The following CTNNA3 variants were observed in gnomAD, a reference collection of about 807,000 sequenced individuals.
CTNNA3 encodes the protein catenin alpha-3.
In CTNNA3, 76 loss-of-function variants were observed where a neutral mutation model predicts 95.7. The ratio of observed to expected loss-of-function variants is 0.79; its 90% CI spans 0.66 to 0.96. CTNNA3 has a LOEUF of 0.96. Among genes scored for constraint, CTNNA3 ranks in the 40% least tolerant of loss-of-function variants. The probability of loss-of-function intolerance (pLI) is 0.00; values close to 1 mark genes in which losing one functional copy is unlikely to be tolerated. For missense variants in CTNNA3, 1,191 were observed against 1,089.8 expected (o/e 1.09, Z -1.31); for synonymous variants, 431 against 374.4 (o/e 1.15, Z -1.74).
chr10:66,069,867 T>A (rs999871875), intron 14 of CTNNA3, among the ~76,000 whole-genome samples: 3 of 152,130 alleles, frequency 2.0e-5, no homozygotes, highest in African/African-American at 7.2e-5. Context: ...GGTGGATGTA[T>A]AACATAATTT....
chr10:66,457,959 C>T (rs1385243956), intron 11 of CTNNA3, among the ~76,000 whole-genome samples: 1 of 152,132 alleles, frequency 6.6e-6, no homozygotes, highest in Non-Finnish European at 1.5e-5. Flanking sequence ...AGGGGGTAGG[C>T]TCTTCAAAGC....
intron 7 of CTNNA3, among the ~76,000 whole-genome samples, chr10:66,972,910 C>T (rs960306574): frequency 6.6e-6 from 1 of 151,448 alleles, no homozygotes; most frequent in South Asian, 2.1e-4. Context: ...TGGGGTTTCA[C>T]CATGTTGACA....
chr10:67,151,158 A>C (rs777017496), intron 7 of CTNNA3, among the ~76,000 whole-genome samples: 2 of 152,188 alleles, frequency 1.3e-5, no homozygotes, highest in Non-Finnish European at 2.9e-5. Flanking sequence ...TTTTTCTTAT[A>C]AGGTGAGAAG....
intron 13 of CTNNA3, among the ~76,000 whole-genome samples, chr10:66,240,806 A>C (rs2090072032): frequency 6.6e-6 from 1 of 152,088 alleles, no homozygotes; most frequent in African/African-American, 2.4e-5. Flanking sequence ...GATGTAAACA[A>C]AGAACAGTGG....
At chr10:66,291,738 G>A (rs1170902043) in intron 12 of CTNNA3, among the ~76,000 whole-genome samples, 1 of 151,328 alleles carries the variant, frequency 6.6e-6, no homozygotes. Flanking sequence ...ATATATATGT[G>A]TATTTATATA....
intron 9 of CTNNA3, among the ~76,000 whole-genome samples, chr10:66,711,177 A>G (rs1213818962): frequency 1.3e-5 from 2 of 151,684 alleles, no homozygotes; most frequent in Non-Finnish European, 2.9e-5. Flanking sequence ...TGTATTCTGC[A>G]ATAGTCAAGC....
At chr10:66,506,264 C>T (rs1402958450) in intron 11 of CTNNA3, among the ~76,000 whole-genome samples, 5 of 152,140 alleles carry the variant, frequency 3.3e-5, no homozygotes, top group South Asian at 2.1e-4. Context: ...CCAGTTTCAA[C>T]GTAATATTTG....
intron 6 of CTNNA3, among the ~76,000 whole-genome samples, chr10:67,204,801 A>G (rs1863817829): frequency 6.6e-6 from 1 of 151,582 alleles, no homozygotes; most frequent in Non-Finnish European, 1.5e-5. Context: ...AATCTCCTTG[A>G]AAATTCAGAG....
At chr10:66,102,715 G>C (rs1359698104) in intron 14 of CTNNA3, among the ~76,000 whole-genome samples, 3 of 151,976 alleles carry the variant, frequency 2.0e-5, no homozygotes, top group African/African-American at 7.3e-5. Flanking sequence ...TGGTGGTGGT[G>C]GTGGGGTGTG....
intron 7 of CTNNA3, among the ~76,000 whole-genome samples, chr10:66,976,745 C>T (rs1329413390): frequency 6.6e-6 from 1 of 152,132 alleles, no homozygotes; most frequent in Non-Finnish European, 1.5e-5. Flanking sequence ...GCTGTTTTCT[C>T]ATTATTCATT....
At chr10:66,169,812 T>C (rs999813143) in intron 13 of CTNNA3, among the ~76,000 whole-genome samples, 17 of 152,210 alleles carry the variant, frequency 1.1e-4, no homozygotes, top group Non-Finnish European at 1.8e-4. Context: ...TGGCCATTTG[T>C]ATATCTTCTT....
chr10:66,663,653 T>G (rs1016865144), intron 9 of CTNNA3, among the ~76,000 whole-genome samples: 2 of 152,126 alleles, frequency 1.3e-5, no homozygotes, highest in Admixed American at 6.5e-5. Context: ...ACTGAGATTT[T>G]TATCTCTTGT....
intron 7 of CTNNA3, among the ~76,000 whole-genome samples, chr10:66,903,173 T>A (rs899922142): frequency 1.3e-5 from 2 of 152,178 alleles, no homozygotes; most frequent in Non-Finnish European, 2.9e-5. Flanking sequence ...AAAAAGCTTA[T>A]CCACCATGAT....
Position 66,598,449 on chromosome 10 carries a change from T to C in CTNNA3, c.1374+23243A>G, listed in dbSNP as rs554685179. Among the ~76,000 whole-genome samples the C allele has an allele frequency of 5.3e-4, 80 of 152,104 alleles. No homozygotes were observed. The South Asian group carries it at 0.011, about 20-fold the overall frequency. On this transcript the variant is annotated intron_variant, in intron 10 of 17. Transcript: ENST00000433211. The stretch of plus-strand genomic sequence containing the variant: ...AGGAAAGAAATAATTGGCATCCAAA[T>C]TGGAAATGAGGAAGTCAAATTGTTC...
At chr10:67,170,855 A>G (rs1384053736) in intron 7 of CTNNA3, among the ~76,000 whole-genome samples, 1 of 152,216 alleles carries the variant, frequency 6.6e-6, no homozygotes, top group African/African-American at 2.4e-5. Context: ...CACTGGCCAC[A>G]TGTCGCTATT....
At chr10:66,775,649 T>C in intron 7 of CTNNA3, 125 bp from the exon 8 acceptor site, 1 of 636,746 alleles carries the variant, frequency 1.6e-6, no homozygotes, top group Non-Finnish European at 2.8e-6. Context: ...AACTGCTATA[T>C]TATATATGAT....
At chr10:67,562,510 T>A (rs1358935137) in intron 3 of CTNNA3, among the ~76,000 whole-genome samples, 4 of 152,176 alleles carry the variant, frequency 2.6e-5, no homozygotes, top group African/African-American at 4.8e-5. Context: ...GAGCTATCTA[T>A]GACAAACCCA....
intron 13 of CTNNA3, among the ~76,000 whole-genome samples, chr10:66,162,946 T>C (rs575767337): frequency 5.8e-4 from 88 of 152,014 alleles, no homozygotes; most frequent in African/African-American, 2.0e-3. Flanking sequence ...CCTAGGAGGA[T>C]TACGGCTGCC....
rs1269963284 is a variant in CTNNA3, at chr10:67,282,032, G to A, written c.580-62162C>T. Reference sequence around the variant, plus strand: ...ATTGTGGCCAATAGAAAACTGTGAAGTTTCATTTTAATGATAATACCAGTA... The same window carrying A: ...ATTGTGGCCAATAGAAAACTGTGAAATTTCATTTTAATGATAATACCAGTA... On this transcript the variant is annotated intron_variant, in intron 5 of 17. Transcript: ENST00000433211. 3.3e-5 allele frequency among the ~76,000 whole-genome samples: 5 copies of A among 152,048 alleles called. No homozygotes were observed. In the East Asian group the frequency reaches 9.6e-4, roughly 29 times the overall value.
Sources: allele counts gnomAD v4.1 joint callset (sites outside exome capture counted in the v4.1 genomes callset), GRCh38; gene constraint gnomAD v4.1.1; transcripts MANE v1.5; gene names NCBI Gene and HGNC (gene_info 2026-07-23, HGNC 2026-07-21).